Variants in ABAT observed in about 807,000 individuals in gnomAD.
The protein encoded by ABAT is 4-aminobutyrate aminotransferase, mitochondrial.
A neutral mutation model predicts 64.6 loss-of-function variants in ABAT; 45 were observed. The ratio of observed to expected loss-of-function variants is 0.70; its 90% CI spans 0.55 to 0.89. The LOEUF (loss-of-function observed/expected upper bound fraction) is 0.89, where lower values mean the gene tolerates loss of function less well. Among genes scored for constraint, ABAT ranks in the 40% least tolerant of loss-of-function variants. The probability of loss-of-function intolerance (pLI) is 0.00; values close to 1 mark genes in which losing one functional copy is unlikely to be tolerated. For missense variants in ABAT, 633 were observed against 658.4 expected, an observed-to-expected ratio of 0.96 and a Z score of 0.42; for synonymous variants, 297 against 250.5, an observed-to-expected ratio of 1.19 and a Z score of -1.75.
intron 1 of ABAT, chr16:8,714,470 C>G (rs1396035958): frequency 6.6e-6 from 1 of 152,340 alleles, no homozygotes; most frequent in Non-Finnish European, 1.5e-5. Context: ...TCTGGACAGC[C>G]GCTCTCTTCA....
chr16:8,769,512 T>C (rs566782522), intron 11 of ABAT, among the ~76,000 whole-genome samples: 2 of 142,670 alleles, frequency 1.4e-5, no homozygotes, highest in East Asian at 4.1e-4. Context: ...TGAGCCAAGA[T>C]TGCACCACTG....
At chr16:8,744,499 C>T (rs899561524) in intron 2 of ABAT, among the ~76,000 whole-genome samples, 1 of 151,848 alleles carries the variant, frequency 6.6e-6, no homozygotes, top group Non-Finnish European at 1.5e-5. Context: ...TCCCTAGTAG[C>T]TGGGATTACA....
chr16:8,674,987 G>C (rs747222601), intron 1 of ABAT, among the ~76,000 whole-genome samples: 1 of 152,070 alleles, frequency 6.6e-6, no homozygotes, highest in African/African-American at 2.4e-5. Flanking sequence ...ATAGAATGCG[G>C]CCCCAAAAAG....
At chr16:8,743,368 G>A (rs1207990366) in intron 2 of ABAT, among the ~76,000 whole-genome samples, 1 of 138,260 alleles carries the variant, frequency 7.2e-6, no homozygotes, top group Non-Finnish European at 1.5e-5. Flanking sequence ...GGAGATCTTG[G>A]CACATTTCTT....
At chr16:8,693,714 C>G (rs1411501220) in intron 1 of ABAT, among the ~76,000 whole-genome samples, 1 of 152,226 alleles carries the variant, frequency 6.6e-6, no homozygotes, top group African/African-American at 2.4e-5. Flanking sequence ...AGTGATCTGC[C>G]TGCCTCAGCT....
intron 5 of ABAT, among the ~76,000 whole-genome samples, chr16:8,752,592 C>A (rs1377545566): frequency 6.6e-6 from 1 of 152,146 alleles, no homozygotes; most frequent in African/African-American, 2.4e-5. Flanking sequence ...GAACCAACCC[C>A]AATCTCTACA....
intron 6 of ABAT, among the ~76,000 whole-genome samples, chr16:8,760,992 T>C (rs1246827673): frequency 6.6e-6 from 1 of 151,978 alleles, no homozygotes; most frequent in Non-Finnish European, 1.5e-5. Context: ...GGTGGGAGGA[T>C]CGCTTGAGCC....
chr16:8,747,408 T>C (rs1176526095), intron 3 of ABAT, among the ~76,000 whole-genome samples: 2 of 152,346 alleles, frequency 1.3e-5, no homozygotes, highest in Non-Finnish European at 2.9e-5. Context: ...GTAGTTATTT[T>C]GGATAGTGTT....
intron 2 of ABAT, among the ~76,000 whole-genome samples, chr16:8,742,267 G>T (rs889951569): frequency 6.6e-6 from 1 of 152,134 alleles, no homozygotes; most frequent in African/African-American, 2.4e-5. Context: ...CCATTCAGCC[G>T]CAGCTCCCCC....
intron 1 of ABAT, among the ~76,000 whole-genome samples, chr16:8,709,266 T>C (rs981195910): frequency 3.3e-5 from 5 of 152,130 alleles, no homozygotes; most frequent in African/African-American, 1.2e-4. Context: ...TTTTTCCATG[T>C]GTTCCAAAAG....
chr16:8,735,189 A>AT (rs1264876468), intron 1 of ABAT, among the ~76,000 whole-genome samples: 7 of 151,972 alleles, frequency 4.6e-5, no homozygotes, highest in African/African-American at 1.7e-4. Context: ...AAAAAAAAAA[A>AT]AAATGTGAAT....
At chr16:8,676,388 C>G (rs910377043) in intron 1 of ABAT, among the ~76,000 whole-genome samples, 2 of 152,086 alleles carry the variant, frequency 1.3e-5, no homozygotes, top group Non-Finnish European at 2.9e-5. Flanking sequence ...ATCCCTGACA[C>G]AAGCCCCAGT....
intron 1 of ABAT, among the ~76,000 whole-genome samples, chr16:8,729,562 A>G (rs1031498638): frequency 6.6e-5 from 10 of 152,158 alleles, no homozygotes; most frequent in African/African-American, 2.4e-4. Flanking sequence ...CCTCATGCCT[A>G]TAATCCCAGC....
intron 1 of ABAT, among the ~76,000 whole-genome samples, chr16:8,720,067 C>T (rs1394230664): frequency 6.6e-6 from 1 of 152,210 alleles, no homozygotes; most frequent in Admixed American, 6.5e-5. Context: ...CCTGCCTCGG[C>T]CTCCCAAAGT....
rs751952694 is a variant in ABAT at position 8,768,907 on chromosome 16, G to A, written c.750G>A (p.Arg250=). ...SFDWPIAPFP[R]LKYPLEEFVK... ...ACTGGCCCATCGCACCGTTCCCACGGCTGAAATACCCTCTGGAAGAGTTTG... is the reference window on the plus strand; with the variant it reads ...ACTGGCCCATCGCACCGTTCCCACGACTGAAATACCCTCTGGAAGAGTTTG... Residue 250 remains arginine, a synonymous_variant, in exon 11 of 16, where the codon CGG becomes CGA. Transcript: ENST00000268251. The A allele has an allele frequency of 6.2e-7, 1 of 1,614,150 alleles. No homozygotes were observed. Among genetic ancestry groups the A allele is most frequent in the Non-Finnish European group, 8.5e-7 (1 of 1,180,032 alleles).
rs369088003 is a variant in ABAT, at chr16:8,690,686, G to A, written c.-42+15975G>A. 8.5e-5 allele frequency among the ~76,000 whole-genome samples: 13 copies of A among 152,262 alleles called. No individual in the cohort carries two copies. The East Asian group carries it at 1.7e-3, about 20-fold the overall frequency. On this transcript the variant is annotated intron_variant, in intron 1 of 15. Transcript: ENST00000268251. Reference sequence around the variant, plus strand: ...CCTTTTAAATTTGGCAGCCAACATGGGGTTTTGGTTCTTTCTGCACCAAGT... The same window carrying A: ...CCTTTTAAATTTGGCAGCCAACATGAGGTTTTGGTTCTTTCTGCACCAAGT...
chr16:8,769,550 C>G (rs1026723642), intron 11 of ABAT, among the ~76,000 whole-genome samples: 1 of 116,344 alleles, frequency 8.6e-6, no homozygotes, highest in Non-Finnish European at 1.7e-5. Context: ...CGGAGTGAGA[C>G]TCTGTCCAAA....
intron 1 of ABAT, among the ~76,000 whole-genome samples, chr16:8,726,129 G>T (rs115439606): frequency 6.6e-6 from 1 of 151,960 alleles, no homozygotes. Context: ...CTCTATGCCC[G>T]TGACTTCAAT....
At chr16:8,737,182 T>A (rs915911322) in intron 2 of ABAT, 8 of 152,128 alleles carry the variant, frequency 5.3e-5, no homozygotes, top group Non-Finnish European at 8.8e-5. Context: ...GGCTTTATTT[T>A]AAAATAAACA....
Sources: allele counts gnomAD v4.1 joint callset (sites outside exome capture counted in the v4.1 genomes callset), GRCh38; gene constraint gnomAD v4.1.1; transcripts MANE v1.5; gene names NCBI Gene and HGNC (gene_info 2026-07-23, HGNC 2026-07-21).